Variants in PACRGL observed in about 807,000 individuals in gnomAD.
The protein encoded by PACRGL is PACRG-like protein.
PACRGL carries 38 observed loss-of-function variants against 34.5 expected under a neutral mutation model. The ratio of observed to expected loss-of-function variants is 1.10; its 90% CI spans 0.85 to 1.44. The LOEUF (loss-of-function observed/expected upper bound fraction) is 1.44. Ranked by LOEUF, PACRGL falls within the 40% of genes most tolerant of loss-of-function variation. The pLI is 0.00. For missense variants in PACRGL, 305 were observed against 281.4 expected (o/e 1.08, Z -0.60); for synonymous variants, 128 against 100.1 (o/e 1.28, Z -1.66).
At chr4:20,726,477 T>C (rs1212516584) in intron 8 of PACRGL, among the ~76,000 whole-genome samples, 1 of 152,220 alleles carries the variant, frequency 6.6e-6, no homozygotes, top group African/African-American at 2.4e-5. Flanking sequence ...TGCAATTACA[T>C]ACCAAAGACT....
At chr4:20,718,542 G>T (rs1049416484) in intron 7 of PACRGL, among the ~76,000 whole-genome samples, 2 of 152,114 alleles carry the variant, frequency 1.3e-5, no homozygotes, top group South Asian at 4.1e-4. Context: ...TAGCATGAAG[G>T]GTTGCTGATT....
chr4:20,716,838 G>A (rs1220210760), intron 7 of PACRGL, among the ~76,000 whole-genome samples: 15 of 152,030 alleles, frequency 9.9e-5, no homozygotes, highest in Non-Finnish European at 4.4e-5. Flanking sequence ...TAATCCTTTG[G>A]GTATATACCC....
rs2149045513 is a variant in PACRGL, at chr4:20,704,516, T to G, written c.35T>G (p.Leu12Trp). ...TCAGAGGGCTCTGGAGGTACACAGT[T>G]GAAAAACAGAGCAACAGGTACAGAG... ...QKSEGSGGTQ[L>W]KNRATGNYDQ... The change falls in exon 2 of 9, where the codon TTG (leucine) becomes TGG (tryptophan). Residue 12 changes from leucine (L) to tryptophan (W), a missense_variant. Physicochemically the swap from Leu to Trp is moderately conservative, Grantham distance 61 (BLOSUM62 -2). Coordinates refer to ENST00000503585, the MANE Select transcript of PACRGL (RefSeq NM_001258345.3). The G allele has an allele frequency of 6.2e-7, 1 of 1,614,052 alleles. No homozygotes were observed. Among genetic ancestry groups the G allele is most frequent in the East Asian group, 2.2e-5 (1 of 44,864 alleles).
intron 8 of PACRGL, among the ~76,000 whole-genome samples, chr4:20,726,777 G>A (rs1208940878): frequency 6.6e-6 from 1 of 152,100 alleles, no homozygotes; most frequent in Non-Finnish European, 1.5e-5. Flanking sequence ...ATTGAAATCA[G>A]TTCATTCTTA....
chr4:20,697,270 GA>G (rs35062492), upstream of PACRGL, among the ~76,000 whole-genome samples: 1 of 152,130 alleles, frequency 6.6e-6, no homozygotes, highest in Non-Finnish European at 1.5e-5. Context: ...TAATCATTGG[GA>G]ATGATTGCTT....
At chr4:20,725,121 A>C (rs1745080301) in intron 8 of PACRGL, among the ~76,000 whole-genome samples, 2 of 152,152 alleles carry the variant, frequency 1.3e-5, no homozygotes, top group Admixed American at 6.5e-5. Flanking sequence ...GCTTGTGTAC[A>C]CTTTCACAGT....
downstream of PACRGL, among the ~76,000 whole-genome samples, chr4:20,735,530 G>GTTTTTT (rs10542507): frequency 9.1e-6 from 1 of 109,714 alleles, no homozygotes; most frequent in Non-Finnish European, 1.8e-5. Context: ...TTTTTTTTTT[G>GTTTTTT]TTTTTTTTTT....
At chr4:20,749,155 C>CTA (rs751106874) in intron 8 of PACRGL, among the ~76,000 whole-genome samples, 1 of 129,008 alleles carries the variant, frequency 7.8e-6, no homozygotes, top group South Asian at 2.5e-4. Flanking sequence ...GAGACTCTTT[C>CTA]AAAAAAAAAA....
At chr4:20,754,196 G>T (rs1214252456), downstream of PACRGL, among the ~76,000 whole-genome samples, 8 of 152,056 alleles carry the variant, frequency 5.3e-5, no homozygotes, top group Non-Finnish European at 1.2e-4. Flanking sequence ...AGAGGCTTTT[G>T]TTCAATCCAG....
intron 7 of PACRGL, among the ~76,000 whole-genome samples, chr4:20,722,959 C>G (rs1744045466): frequency 6.6e-6 from 1 of 152,106 alleles, no homozygotes; most frequent in South Asian, 2.1e-4. Flanking sequence ...TATGAGAGAT[C>G]CTAGAACTGT....
intron 8 of PACRGL, among the ~76,000 whole-genome samples, chr4:20,725,101 TA>T (rs1745066764): frequency 6.6e-6 from 1 of 152,158 alleles, no homozygotes; most frequent in East Asian, 1.9e-4. Context: ...TCAGGTTGAA[TA>T]AATATAGGGC....
intron 3 of PACRGL, among the ~76,000 whole-genome samples, chr4:20,705,862 C>T (rs973187511): frequency 2.0e-5 from 3 of 147,054 alleles, no homozygotes; most frequent in Admixed American, 6.9e-5. Flanking sequence ...ACCTTTGGGG[C>T]GAAAGGTGGG....
rs568001172 is a variant in PACRGL at position 20,714,597 on chromosome 4, G to A, written c.609+1058G>A. ...TTGATGCAGTTTCTTCCTAGCCTCA[G>A]TGGTCTTTACAATTTGGCATGATTT... is the stretch of plus-strand genomic sequence containing the variant. On this transcript the variant is annotated intron_variant, in intron 7 of 8. Coordinates refer to ENST00000503585, the MANE Select transcript of PACRGL (RefSeq NM_001258345.3). Among the ~76,000 whole-genome samples the A allele has an allele frequency of 5.3e-5, 8 of 152,248 alleles. No homozygotes were observed. In the South Asian group the frequency reaches 1.2e-3, roughly 24 times the overall value.
At chr4:20,738,874 C>T (rs1350665859) in intron 8 of PACRGL, among the ~76,000 whole-genome samples, 1 of 152,172 alleles carries the variant, frequency 6.6e-6, no homozygotes, top group Non-Finnish European at 1.5e-5. Flanking sequence ...CCTGGAGAAT[C>T]AGGACACTTC....
In PACRGL at chr4:20,723,760, C is replaced by G. The variant is rs545399159; in HGVS notation, c.610-1048C>G. Among the ~76,000 whole-genome samples the G allele has an allele frequency of 9.8e-4, 149 of 152,202 alleles. 1 individual carries two copies. Among genetic ancestry groups the G allele is most frequent in the South Asian group, 1.5e-3 (7 of 4,822 alleles). ...AAGGACTGACTGAACGGGTATCTAG[C>G]TTTCCTGGGCTGCCAGCACTTTGGG... On this transcript the variant is annotated intron_variant, in intron 7 of 8. Coordinates refer to ENST00000503585, the MANE Select transcript of PACRGL (RefSeq NM_001258345.3).
upstream of PACRGL, among the ~76,000 whole-genome samples, chr4:20,700,253 A>ATAAGGT (rs1433967737): frequency 1.1e-4 from 17 of 152,140 alleles, no homozygotes. Flanking sequence ...TATTCGAAAA[A>ATAAGGT]CATCCTCCAC....
chr4:20,732,115 A>G lies in PACRGL; in HGVS notation c.*4774A>G, dbSNP rs1413106269. ...ATTGTATTTAGACTTATCCCTTAAT[A>G]CCCTCACACCTGGACCAAATGAGCT... On this transcript the variant is annotated 3_prime_UTR_variant, in exon 9 of 9. Transcript: ENST00000503585. 7.7e-7 allele frequency: 1 copy of G among 1,297,210 alleles called. No individual in the cohort carries two copies. Among genetic ancestry groups the G allele is most frequent in the Non-Finnish European group, 1.1e-6 (1 of 895,896 alleles). The allele number at this position is 1,297,210 out of a possible 1,614,324, so 80.4% of individuals were successfully genotyped here. A position where few individuals can be genotyped will look rare whatever the true frequency, so the allele number is the denominator to read the frequency against.
At chr4:20,699,807 G>C (rs550622532), upstream of PACRGL, among the ~76,000 whole-genome samples, 4 of 152,264 alleles carry the variant, frequency 2.6e-5, no homozygotes, top group Non-Finnish European at 5.9e-5. Context: ...CATCAGTTTT[G>C]TTATGATGTG....
intron 8 of PACRGL, among the ~76,000 whole-genome samples, chr4:20,738,344 T>G (rs762092865): frequency 5.9e-5 from 9 of 152,168 alleles, no homozygotes; most frequent in Non-Finnish European, 8.8e-5. Flanking sequence ...GAAAACATGC[T>G]TAGAGTATTG....
Sources: allele counts gnomAD v4.1 joint callset (sites outside exome capture counted in the v4.1 genomes callset), GRCh38; gene constraint gnomAD v4.1.1; transcripts MANE v1.5; gene names NCBI Gene and HGNC (gene_info 2026-07-23, HGNC 2026-07-21).